The following DPYSL2 variants were observed in gnomAD, a reference collection of about 807,000 sequenced individuals.
The protein encoded by DPYSL2 is dihydropyrimidinase-related protein 2.
A neutral mutation model predicts 69.9 loss-of-function variants in DPYSL2; 13 were observed. The ratio of observed to expected loss-of-function variants is 0.19; its 90% CI spans 0.12 to 0.30. The LOEUF (loss-of-function observed/expected upper bound fraction) is 0.30. Ranked by LOEUF, DPYSL2 falls within the 10% of genes least tolerant of loss-of-function variation. The probability of loss-of-function intolerance (pLI) is 1.00; values close to 1 mark genes in which losing one functional copy is unlikely to be tolerated. For missense variants in DPYSL2, 587 were observed against 918.9 expected (o/e 0.64, Z 4.67); for synonymous variants, 326 against 359.1 (o/e 0.91, Z 1.04).
rs1241675448 is a variant in DPYSL2, at chr8:26,562,924, G to T, written c.355-19045G>T. On this transcript the variant is annotated intron_variant, in intron 1 of 13. Transcript: ENST00000521913. The surrounding 1 kb of genome is among the most constrained non-coding windows in gnomAD (Gnocchi z 4.9). Reference sequence around the variant, plus strand: ...CACCATGGCAGGAAGGCTGGGCTTGGGGGGACTCTGCTGGAATTCCTATAT... The same window carrying T: ...CACCATGGCAGGAAGGCTGGGCTTGTGGGGACTCTGCTGGAATTCCTATAT... 6.6e-6 allele frequency among the ~76,000 whole-genome samples: 1 copy of T among 152,118 alleles called. No individual in the cohort carries two copies.
chr8:26,625,307 AGG>A (rs1420046712), intron 4 of DPYSL2, among the ~76,000 whole-genome samples: 1 of 152,224 alleles, frequency 6.6e-6, no homozygotes. Flanking sequence ...AAAAGAAAAT[AGG>A]TAAACTTTGA....
At chr8:26,539,726 G>A (rs747374990) in intron 1 of DPYSL2, among the ~76,000 whole-genome samples, 8 of 152,188 alleles carry the variant, frequency 5.3e-5, no homozygotes, top group Admixed American at 3.9e-4. Context: ...GACCTCAGCA[G>A]ACAGAGCTCC....
rs768846204 is a variant in DPYSL2, at chr8:26,514,631, G to A, written c.306G>A (p.Glu102=). Residue 102 remains glutamate, a synonymous_variant, in exon 1 of 14, where the codon GAG becomes GAA. Coordinates refer to ENST00000521913, the MANE Select transcript of DPYSL2 (RefSeq NM_001197293.3). This position sits in a 1 kb window ranked among gnomAD's most constrained non-coding sequence, Gnocchi z 8.4. The part of the protein sequence containing the change: ...EPSVESGRKV[E]IRRASGKEAL... ...CTGTTGAATCGGGCCGGAAGGTGGA[G>A]ATCCGGAGGGCCTCGGGCAAAGAAG... 2 of 1,469,778 alleles carry A rather than the reference G, an allele frequency of 1.4e-6. No homozygotes were observed. Among genetic ancestry groups the A allele is most frequent in the Non-Finnish European group, 1.8e-6 (2 of 1,115,360 alleles). The allele number at this position is 1,469,778 out of a possible 1,614,324, so 91.0% of individuals were successfully genotyped here.
chr8:26,609,530 C>A lies in DPYSL2; in HGVS notation c.629-14613C>A, dbSNP rs1802181488. 6.6e-6 allele frequency among the ~76,000 whole-genome samples: 1 copy of A among 152,204 alleles called. No homozygotes were observed. Among genetic ancestry groups the A allele is most frequent in the Admixed American group, 6.5e-5 (1 of 15,274 alleles). Reference sequence around the variant, plus strand: ...TTTTTTTGTGATGTTCTGTACAGCCCTGTAATCTCTTATTTTTGGCAAGCC... The same window carrying A: ...TTTTTTTGTGATGTTCTGTACAGCCATGTAATCTCTTATTTTTGGCAAGCC... On this transcript the variant is annotated intron_variant, in intron 3 of 13. Coordinates refer to ENST00000521913, the MANE Select transcript of DPYSL2 (RefSeq NM_001197293.3). This position sits in a 1 kb window ranked among gnomAD's most constrained non-coding sequence, Gnocchi z 6.5.
In DPYSL2 at chr8:26,650,332, A is replaced by G. The variant is rs1803256217; in HGVS notation, c.1597-1925A>G. ...AGGCTGCGCCCATACTCTACCCAGT[A>G]GGGCACAAGAGGAGGTTGTCAGGGC... is the stretch of plus-strand genomic sequence containing the variant. On this transcript the variant is annotated intron_variant, in intron 11 of 13. Coordinates refer to ENST00000521913, the MANE Select transcript of DPYSL2 (RefSeq NM_001197293.3). This position sits in a 1 kb window ranked among gnomAD's most constrained non-coding sequence, Gnocchi z 5.3. Among the ~76,000 whole-genome samples, 1 of 152,210 alleles carries G rather than the reference A, an allele frequency of 6.6e-6. No homozygotes were observed. The highest frequency in any genetic ancestry group is 6.5e-5 in the Admixed American group (1 of 15,284).
intron 1 of DPYSL2, among the ~76,000 whole-genome samples, chr8:26,552,871 A>G (rs78901979): frequency 0.013 from 1,965 of 152,300 alleles, 23 homozygotes; most frequent in Middle Eastern, 0.075. Flanking sequence ...TCATGTGAGA[A>G]GGGACAAACA....
In DPYSL2 at chr8:26,605,183, C is replaced by CT. The variant is rs1205244999; in HGVS notation, c.629-18959dup. On this transcript the variant is annotated intron_variant, in intron 3 of 13. Transcript: ENST00000521913. The surrounding 1 kb of genome is among the most constrained non-coding windows in gnomAD (Gnocchi z 4.1). ...ATCAAGTACCTCAATATATTGCTCC[C>CT]TGATGAGGGAGGGGCCAGAATACAT... Among the ~76,000 whole-genome samples, 1 of 152,094 alleles carries CT rather than the reference C, an allele frequency of 6.6e-6. No homozygotes were observed. The highest frequency in any genetic ancestry group is 2.4e-5 in the African/African-American group (1 of 41,410).
rs1220632850 is a variant in DPYSL2, at chr8:26,593,119, T to A, written c.628+9136T>A. 2.0e-5 allele frequency among the ~76,000 whole-genome samples: 3 copies of A among 152,202 alleles called. No individual in the cohort carries two copies. The highest frequency in any genetic ancestry group is 4.4e-5 in the Non-Finnish European group (3 of 68,032). Reference sequence around the variant, plus strand: ...CTGGTTAACCCATTTGGGAGGTAGCTTTCTTTGAATATGACTAAGTGTTCC... The same window carrying A: ...CTGGTTAACCCATTTGGGAGGTAGCATTCTTTGAATATGACTAAGTGTTCC... On this transcript the variant is annotated intron_variant, in intron 3 of 13. Coordinates refer to ENST00000521913, the MANE Select transcript of DPYSL2 (RefSeq NM_001197293.3). This position sits in a 1 kb window ranked among gnomAD's most constrained non-coding sequence, Gnocchi z 5.7.
intron 1 of DPYSL2, chr8:26,577,063 C>A: frequency 2.4e-6 from 1 of 424,664 alleles, no homozygotes; most frequent in Non-Finnish European, 4.7e-6. Flanking sequence ...CCGGAAGGCA[C>A]AAAAGGATGT....
chr8:26,557,787 A>AAAAC lies in DPYSL2; in HGVS notation c.355-24161_355-24158dup, dbSNP rs369417683. 9.5e-3 allele frequency among the ~76,000 whole-genome samples: 1,446 copies of AAAAC among 151,856 alleles called. 11 individuals carry two copies. The highest frequency in any genetic ancestry group is 0.022 in the South Asian group (104 of 4,802). ...CTGGGTGACAAAGAAGACTTTTTCTAAAACAAACAAACAAACAAACAAACC... is the reference window on the plus strand; with the variant it reads ...CTGGGTGACAAAGAAGACTTTTTCTAAAACAAACAAACAAACAAACAAACAAACC... On this transcript the variant is annotated intron_variant, in intron 1 of 13. Transcript: ENST00000521913.
intron 1 of DPYSL2, among the ~76,000 whole-genome samples, chr8:26,555,080 G>C (rs1304689377): frequency 1.3e-4 from 4 of 30,878 alleles, no homozygotes; most frequent in African/African-American, 2.7e-4. Flanking sequence ...ATTAGTGATA[G>C]ATAGAAAGCT....
In DPYSL2 at chr8:26,641,853, A is replaced by G. The variant is rs1803056958; in HGVS notation, c.1127-1586A>G. Among the ~76,000 whole-genome samples, 1 of 152,176 alleles carries G rather than the reference A, an allele frequency of 6.6e-6. No individual in the cohort carries two copies. Among genetic ancestry groups the G allele is most frequent in the Non-Finnish European group, 1.5e-5 (1 of 68,030 alleles). On this transcript the variant is annotated intron_variant, in intron 8 of 13. Coordinates refer to ENST00000521913, the MANE Select transcript of DPYSL2 (RefSeq NM_001197293.3). This position sits in a 1 kb window ranked among gnomAD's most constrained non-coding sequence, Gnocchi z 4.1. The stretch of plus-strand genomic sequence containing the variant: ...CAGCTGAACAGCGAGTCCTTTGTGA[A>G]ATTCCTGAGGCAGGAGGGGGCAGCT...
chr8:26,639,181 A>T (rs1419870399), intron 8 of DPYSL2, among the ~76,000 whole-genome samples: 1 of 152,222 alleles, frequency 6.6e-6, no homozygotes, highest in Non-Finnish European at 1.5e-5. Flanking sequence ...CTTGGGGATG[A>T]GTCCTTAGTT....
intron 1 of DPYSL2, among the ~76,000 whole-genome samples, chr8:26,524,992 T>G (rs536863939): frequency 6.6e-6 from 1 of 152,100 alleles, no homozygotes; most frequent in Non-Finnish European, 1.5e-5. Context: ...AAAAATTACA[T>G]GTTAAAATGT....
chr8:26,585,885 G>T lies in DPYSL2; in HGVS notation c.628+1902G>T, dbSNP rs1481843992. On this transcript the variant is annotated intron_variant, in intron 3 of 13. Transcript: ENST00000521913. The surrounding 1 kb of genome is among the most constrained non-coding windows in gnomAD (Gnocchi z 4.0). Reference sequence around the variant, plus strand: ...CCAGCACTTTGGGAGCCTGAGGTGGGTGGATCACTTGAGGTCAGGAATTTG... The same window carrying T: ...CCAGCACTTTGGGAGCCTGAGGTGGTTGGATCACTTGAGGTCAGGAATTTG... 6.6e-6 allele frequency among the ~76,000 whole-genome samples: 1 copy of T among 152,150 alleles called. No individual in the cohort carries two copies. The highest frequency in any genetic ancestry group is 1.5e-5 in the Non-Finnish European group (1 of 68,026).
At chr8:26,574,465 G>A (rs1392624341) in intron 1 of DPYSL2, among the ~76,000 whole-genome samples, 3 of 152,120 alleles carry the variant, frequency 2.0e-5, no homozygotes, top group South Asian at 2.1e-4. Context: ...CAGAATGCCC[G>A]GGATGTTACC....
rs931134364 is a variant in DPYSL2, at chr8:26,627,417, C to G, written c.936+122C>G. The G allele has an allele frequency of 1.0e-6, 1 of 991,516 alleles. No individual in the cohort carries two copies. The highest frequency in any genetic ancestry group is 1.6e-6 in the Non-Finnish European group (1 of 644,962). 61.4% of individuals were successfully genotyped at this position (991,516 alleles called of 1,614,324 possible). ...GAAAAGCAGAGGGACCTGGTGTTCC[C>G]TTGCTGGAGCTCTGCTCAGTCTCAC... is the stretch of plus-strand genomic sequence containing the variant. On this transcript the variant is annotated intron_variant, in intron 6 of 13. Coordinates refer to ENST00000521913, the MANE Select transcript of DPYSL2 (RefSeq NM_001197293.3). The surrounding 1 kb of genome is among the most constrained non-coding windows in gnomAD (Gnocchi z 6.9).
In DPYSL2 at chr8:26,562,555, C is replaced by T. The variant is rs1273512140; in HGVS notation, c.355-19414C>T. 6.6e-6 allele frequency among the ~76,000 whole-genome samples: 1 copy of T among 152,158 alleles called. No homozygotes were observed. The highest frequency in any genetic ancestry group is 2.4e-5 in the African/African-American group (1 of 41,424). On this transcript the variant is annotated intron_variant, in intron 1 of 13. Transcript: ENST00000521913. The surrounding 1 kb of genome is among the most constrained non-coding windows in gnomAD (Gnocchi z 4.9). The stretch of plus-strand genomic sequence containing the variant: ...GATTTTGTTGTTCCCGATTAGAATG[C>T]TTAAATGGTTTCGTTTTAAAGACAG...
At chr8:26,524,462 T>C (rs1808442007) in intron 1 of DPYSL2, among the ~76,000 whole-genome samples, 1 of 152,136 alleles carries the variant, frequency 6.6e-6, no homozygotes, top group South Asian at 2.1e-4. Context: ...CCATGGATAG[T>C]ATTTTGTTGC....
Sources: allele counts gnomAD v4.1 joint callset (sites outside exome capture counted in the v4.1 genomes callset), GRCh38; gene constraint gnomAD v4.1.1; non-coding constraint Gnocchi (gnomAD v3.1); transcripts MANE v1.5; gene names NCBI Gene and HGNC (gene_info 2026-07-23, HGNC 2026-07-21).